Variants in CRTC1 observed in about 807,000 individuals in gnomAD.
CRTC1 encodes CREB regulated transcription coactivator 1, also known as CREB-regulated transcription coactivator 1.
A neutral mutation model predicts 66.1 loss-of-function variants in CRTC1; 18 were observed. The ratio of observed to expected loss-of-function variants is 0.27; its 90% CI spans 0.19 to 0.40. The LOEUF (loss-of-function observed/expected upper bound fraction) is 0.40, where lower values mean the gene tolerates loss of function less well. CRTC1 is among the 10% of genes least tolerant of loss of function. The pLI, the probability that CRTC1 is intolerant of heterozygous loss-of-function variation, is 1.00. For synonymous variants in CRTC1, 416 were observed against 398.8 expected (o/e 1.04, Z -0.51); for missense variants, 669 against 887.9 (o/e 0.75, Z 3.13).
rs889222625 is a variant in CRTC1 at position 18,719,056 on chromosome 19, G to A, written c.127-23854G>A. Among the ~76,000 whole-genome samples, 4 of 152,302 alleles carry A rather than the reference G, an allele frequency of 2.6e-5. No individual in the cohort carries two copies. The South Asian group carries it at 6.2e-4, about 24-fold the overall frequency. On this transcript the variant is annotated intron_variant, in intron 1 of 13. Transcript: ENST00000321949. ...TCTGGGTGCGAGATGACACGGGCTA[G>A]TACCAGGGAGGGGGCTGACGATGGG...
At chr19:18,731,328 C>T (rs936791185) in intron 1 of CRTC1, among the ~76,000 whole-genome samples, 1 of 152,140 alleles carries the variant, frequency 6.6e-6, no homozygotes, top group Admixed American at 6.5e-5. Context: ...GGTGGCCCAG[C>T]GATCCTCGGC....
rs60084986 is a variant in CRTC1, at chr19:18,689,583, A to ATATATATATATATATATATATATATATG, written c.126+5758_126+5759insATATATATATATATATATATATATGTAT. Reference sequence around the variant, plus strand: ...GATGGCCATATATATATATATATATATATGTAATATAACACTTACCATTTT... The same window carrying ATATATATATATATATATATATATATATG: ...GATGGCCATATATATATATATATATATATATATATATATATATATATATATATGTATGTAATATAACACTTACCATTTT... On this transcript the variant is annotated intron_variant, in intron 1 of 13. Coordinates refer to ENST00000321949, the MANE Select transcript of CRTC1 (RefSeq NM_015321.3). Among the ~76,000 whole-genome samples, 238 of 65,410 alleles carry ATATATATATATATATATATATATATATG rather than the reference A, an allele frequency of 3.6e-3. 1 individual carries two copies. Among genetic ancestry groups the ATATATATATATATATATATATATATATG allele is most frequent in the Non-Finnish European group, 4.3e-3 (169 of 39,538 alleles). 42.9% of individuals were successfully genotyped at this position (65,410 alleles called of 152,430 possible).
intron 1 of CRTC1, among the ~76,000 whole-genome samples, chr19:18,707,818 G>A (rs1016316259): frequency 2.6e-5 from 4 of 152,204 alleles, no homozygotes; most frequent in African/African-American, 9.6e-5. Context: ...AACGTAGTCA[G>A]ATCCTGTCTC....
At chr19:18,703,541 C>T (rs906725696) in intron 1 of CRTC1, among the ~76,000 whole-genome samples, 4 of 152,106 alleles carry the variant, frequency 2.6e-5, no homozygotes, top group Non-Finnish European at 5.9e-5. Context: ...TCACTGCAAG[C>T]AACCTCCACC....
At position 18,779,909 on chromosome 19, in the gene CRTC1, G is replaced by C. The variant is rs927981027; in HGVS notation, c.*2527G>C. ...CAGGAGCCAGCAGCCAGGCGTCCCT[G>C]TGTTCCAGAAGGATTCACGCCCCTC... On this transcript the variant is annotated 3_prime_UTR_variant, in exon 14 of 14. Coordinates refer to ENST00000321949, the MANE Select transcript of CRTC1 (RefSeq NM_015321.3). The C allele has an allele frequency of 8.7e-6, 2 of 229,356 alleles. No individual in the cohort carries two copies. The highest frequency in any genetic ancestry group is 8.6e-6 in the Non-Finnish European group (1 of 115,678). The allele number at this position is 229,356 out of a possible 1,614,324, so 14.2% of individuals were successfully genotyped here. A position where few individuals can be genotyped will look rare whatever the true frequency, so the allele number is the denominator to read the frequency against.
chr19:18,724,307 T>G (rs2051816), intron 1 of CRTC1, among the ~76,000 whole-genome samples: 1 of 151,684 alleles, frequency 6.6e-6, no homozygotes, highest in Non-Finnish European at 1.5e-5. Context: ...TTAGAGGTGA[T>G]GGGTTGTTGC....
At chr19:18,762,147 C>G (rs1456235474) in intron 8 of CRTC1, among the ~76,000 whole-genome samples, 3 of 152,254 alleles carry the variant, frequency 2.0e-5, no homozygotes, top group Non-Finnish European at 4.4e-5. Flanking sequence ...CCCCTCACAT[C>G]TCTTCACGGC....
chr19:18,765,425 C>G lies in CRTC1; in HGVS notation c.908C>G (p.Ser303Cys). Residue 303 changes from serine (S) to cysteine (C), a missense_variant, in exon 9 of 14, where the codon TCT becomes TGT. By Grantham distance (112) the Ser-to-Cys change is moderately radical. Coordinates refer to ENST00000321949, the MANE Select transcript of CRTC1 (RefSeq NM_015321.3). The part of the protein sequence containing the change: ...AGQGMSTPGS[S>C]PQHRPAGVSP... ...CTAGGAATGAGCACACCTGGCTCCT[C>G]TCCACAGCACCGCCCAGCTGGCGTC... 6.2e-7 allele frequency: 1 copy of G among 1,612,958 alleles called. No homozygotes were observed. The highest frequency in any genetic ancestry group is 8.5e-7 in the Non-Finnish European group (1 of 1,179,652).
chr19:18,775,074 G>T, intron 12 of CRTC1, 88 bp downstream of exon 12: 1 of 1,329,182 alleles, frequency 7.5e-7, no homozygotes, highest in Admixed American at 1.8e-5. Flanking sequence ...TTGCGAGTCA[G>T]AGCTGCACGT....
intron 1 of CRTC1, among the ~76,000 whole-genome samples, chr19:18,693,474 C>CT (rs1600754766): frequency 2.8e-5 from 4 of 144,944 alleles, no homozygotes; most frequent in African/African-American, 7.8e-5. Context: ...GAGCTTAACT[C>CT]TTTTGTTTTT....
chr19:18,694,695 C>T (rs1276582018), intron 1 of CRTC1, among the ~76,000 whole-genome samples: 4 of 152,134 alleles, frequency 2.6e-5, no homozygotes, highest in Non-Finnish European at 5.9e-5. Context: ...CTTGGCCTCC[C>T]AGAGTGTTGG....
rs911658375 is a variant in CRTC1, at chr19:18,775,752, G to A, written c.1624G>A (p.Gly542Arg). Reference sequence around the variant, plus strand: ...CATGATGGGCCTCACGGGCAGCCACGGGAGCCTGCCGGACTCGCAGCAACT... The same window carrying A: ...CATGATGGGCCTCACGGGCAGCCACAGGAGCCTGCCGGACTCGCAGCAACT... The part of the protein sequence containing the change: ...AAMMGLTGSH[G>R]SLPDSQQLGY... Residue 542 changes from glycine (G) to arginine (R), a missense_variant, in exon 13 of 14, where the codon GGG (glycine) becomes AGG (arginine). By Grantham distance (125) the Gly-to-Arg change is moderately radical (BLOSUM62 -2). Around this residue, in one of 8 missense-constraint regions of CRTC1, gnomAD observed 12 missense variants for 36.6 expected, o/e 0.33. Coordinates refer to ENST00000321949, the MANE Select transcript of CRTC1 (RefSeq NM_015321.3). 1.2e-5 allele frequency: 19 copies of A among 1,612,138 alleles called. No homozygotes were observed. Among genetic ancestry groups the A allele is most frequent in the Non-Finnish European group, 1.4e-5 (17 of 1,179,662 alleles).
intron 1 of CRTC1, among the ~76,000 whole-genome samples, chr19:18,726,285 C>T (rs1015553831): frequency 1.3e-5 from 2 of 152,248 alleles, no homozygotes; most frequent in African/African-American, 2.4e-5. Context: ...TCCAGCACCG[C>T]TGACGTGTGC....
In CRTC1 at chr19:18,773,414, C is replaced by T. The variant is rs569514766; in HGVS notation, c.1426-1486C>T. On this transcript the variant is annotated intron_variant, in intron 11 of 13. Transcript: ENST00000321949. The stretch of plus-strand genomic sequence containing the variant: ...CAAGCTCACCTTTCTGGCAAGCCCT[C>T]ATGGCAGGCTCACAGGGAAACCTCA... 3.9e-5 allele frequency among the ~76,000 whole-genome samples: 6 copies of T among 152,338 alleles called. No homozygotes were observed. The East Asian group carries it at 1.2e-3, about 29-fold the overall frequency.
intron 5 of CRTC1, among the ~76,000 whole-genome samples, chr19:18,752,469 CCACCA>C (rs893614565): frequency 6.6e-6 from 1 of 152,150 alleles, no homozygotes; most frequent in African/African-American, 2.4e-5. Flanking sequence ...CAGGTGAGCA[CCACCA>C]CACCCGGCCA....
chr19:18,730,362 A>AC (rs1348702880), intron 1 of CRTC1, among the ~76,000 whole-genome samples: 1 of 151,906 alleles, frequency 6.6e-6, no homozygotes, highest in Non-Finnish European at 1.5e-5. Context: ...TTCACACGCT[A>AC]CCTGGTGCAG....
chr19:18,767,619 T>C (rs950996859), intron 9 of CRTC1, among the ~76,000 whole-genome samples: 3 of 152,160 alleles, frequency 2.0e-5, no homozygotes, highest in African/African-American at 7.2e-5. Context: ...TCGGCCCCCA[T>C]GTCTCCTGTC....
chr19:18,768,386 T>C lies in CRTC1; in HGVS notation c.1012-99T>C. 1 of 1,005,004 alleles carries C rather than the reference T, an allele frequency of 1.0e-6. No homozygotes were observed. The highest frequency in any genetic ancestry group is 2.5e-4 in the Middle Eastern group (1 of 3,952). 62.3% of individuals were successfully genotyped at this position (1,005,004 alleles called of 1,614,324 possible). A position where few individuals can be genotyped will look rare whatever the true frequency, so the allele number is the denominator to read the frequency against. On this transcript the variant is annotated intron_variant, in intron 9 of 13. Coordinates refer to ENST00000321949, the MANE Select transcript of CRTC1 (RefSeq NM_015321.3). This position sits in a 1 kb window ranked among gnomAD's most constrained non-coding sequence, Gnocchi z 5.6. ...GGGGCTGCCTGTGATCACAGGGCCCTTCCACCTCGCCTGCTGAGCATGCCA... is the reference window on the plus strand; with the variant it reads ...GGGGCTGCCTGTGATCACAGGGCCCCTCCACCTCGCCTGCTGAGCATGCCA...
chr19:18,694,210 AG>A (rs1291798731), intron 1 of CRTC1, among the ~76,000 whole-genome samples: 1 of 146,272 alleles, frequency 6.8e-6, no homozygotes, highest in African/African-American at 2.5e-5. Flanking sequence ...CTGAGGCGAG[AG>A]GTTCCCTTGA....
Sources: gnomAD v4.1 joint callset for allele counts (sites outside exome capture counted in the v4.1 genomes callset) on GRCh38, gnomAD v4.1.1 for gene constraint, gnomAD v4.1.1 regional missense constraint, Gnocchi (gnomAD v3.1) non-coding constraint, MANE v1.5 for transcripts, NCBI Gene and HGNC (gene_info 2026-07-23, HGNC 2026-07-21) for gene names.